COL25A1: variants seen among roughly 807,000 people sequenced by gnomAD.
COL25A1 encodes collagen alpha-1(XXV) chain.
COL25A1 carries 103 observed loss-of-function variants against 128.4 expected under a neutral mutation model. The observed-to-expected ratio is 0.80, with a 90% CI of 0.68 to 0.94. COL25A1 has a LOEUF of 0.94. Ranked by LOEUF, COL25A1 falls within the 40% of genes least tolerant of loss-of-function variation. COL25A1 has a pLI of 0.00. For synonymous variants in COL25A1, 279 were observed against 277.2 expected, an observed-to-expected ratio of 1.01 and a Z score of -0.06; for missense variants, 745 against 840.0, an observed-to-expected ratio of 0.89 and a Z score of 1.40.
intron 3 of COL25A1, among the ~76,000 whole-genome samples, chr4:109,254,481 A>ATATG (rs1780925935): frequency 1.0e-5 from 1 of 96,156 alleles, no homozygotes; most frequent in Non-Finnish European, 1.8e-5. Flanking sequence ...ATATATATAT[A>ATATG]TATATATATA....
intron 3 of COL25A1, among the ~76,000 whole-genome samples, chr4:109,161,203 A>C (rs1772547571): frequency 1.3e-5 from 2 of 152,096 alleles, no homozygotes; most frequent in Non-Finnish European, 2.9e-5. Context: ...CACCCGGGAG[A>C]TATTTGACAA....
intron 6 of COL25A1, among the ~76,000 whole-genome samples, chr4:108,992,768 C>A (rs563284425): frequency 6.6e-6 from 1 of 152,122 alleles, no homozygotes; most frequent in East Asian, 1.9e-4. Flanking sequence ...TCAGAGATGT[C>A]ATTTAAATGG....
intron 35 of COL25A1, chr4:108,819,704 A>G (rs1337004780): frequency 2.1e-6 from 1 of 479,486 alleles, no homozygotes; most frequent in Non-Finnish European, 3.4e-6. Context: ...GTCCATGTTA[A>G]ATGAGCCCAA....
At chr4:108,882,687 G>C (rs979400587) in intron 19 of COL25A1, among the ~76,000 whole-genome samples, 6 of 152,134 alleles carry the variant, frequency 3.9e-5, no homozygotes, top group African/African-American at 1.4e-4. Flanking sequence ...TGATAAGGAA[G>C]TGACTTCAAC....
At chr4:108,962,222 C>G (rs901518091) in intron 8 of COL25A1, among the ~76,000 whole-genome samples, 1 of 147,594 alleles carries the variant, frequency 6.8e-6, no homozygotes, top group African/African-American at 2.5e-5. Flanking sequence ...GAGTCTCGCT[C>G]TGTCACCCAG....
Position 108,846,140 on chromosome 4 carries a change from G to A in COL25A1, c.1514C>T (p.Pro505Leu), listed in dbSNP as rs199951835. The A allele has an allele frequency of 1.4e-5, 23 of 1,592,660 alleles. No homozygotes were observed. Among genetic ancestry groups the A allele is most frequent in the Non-Finnish European group, 1.6e-5 (18 of 1,160,832 alleles). The change falls in exon 28 of 38, where the codon CCG (proline) becomes CTG (leucine). Residue 505 changes from proline (P) to leucine (L), a missense_variant and splice_region_variant. By Grantham distance (98) the Pro-to-Leu change is moderately conservative (BLOSUM62 -3). Around this residue, in one of 3 missense-constraint regions of COL25A1, gnomAD observed 387 missense variants for 441.9 expected, o/e 0.88. Transcript: ENST00000399132. ...EKGGIGLPGL[P>L]GANGMKGEKG... is the part of the protein sequence containing the mutation. ...AACAAACAGAAAGTATAAACATACC[G>A]GTAATCCAGGAAGTCCAATTCCTCC...
intron 35 of COL25A1, chr4:108,819,877 T>TGCCTTTCTTTCCCTTTTC: frequency 8.1e-7 from 1 of 1,231,404 alleles, no homozygotes; most frequent in African/African-American, 1.6e-5. Flanking sequence ...GGCCCCTTTT[T>TGCCTTTCTTTCCCTTTTC]GCCTTTCTTT....
chr4:108,957,301 G>A (rs1750184670), intron 8 of COL25A1, among the ~76,000 whole-genome samples: 1 of 152,018 alleles, frequency 6.6e-6, no homozygotes, highest in Non-Finnish European at 1.5e-5. Flanking sequence ...GGACGTGAGA[G>A]GTATTTTAAA....
At chr4:108,893,354 T>A (rs998627729) in intron 16 of COL25A1, among the ~76,000 whole-genome samples, 2 of 152,178 alleles carry the variant, frequency 1.3e-5, no homozygotes, top group African/African-American at 4.8e-5. Flanking sequence ...GGAAAATAGA[T>A]AAGAAATCAA....
At chr4:108,815,527 G>T (rs184809270) in intron 37 of COL25A1, among the ~76,000 whole-genome samples, 1 of 152,070 alleles carries the variant, frequency 6.6e-6, no homozygotes, top group Admixed American at 6.6e-5. Context: ...TGTGTGTTGG[G>T]TGGGTGTGGT....
chr4:109,190,486 A>G (rs902506750), intron 3 of COL25A1, among the ~76,000 whole-genome samples: 1 of 152,208 alleles, frequency 6.6e-6, no homozygotes, highest in African/African-American at 2.4e-5. Context: ...CTCCTATGCA[A>G]TCCCATTGTG....
At chr4:109,201,343 A>T (rs572063017) in intron 3 of COL25A1, among the ~76,000 whole-genome samples, 5 of 152,326 alleles carry the variant, frequency 3.3e-5, no homozygotes, top group Admixed American at 3.3e-4. Context: ...GACATTTAAA[A>T]ATCAATTAAT....
intron 8 of COL25A1, among the ~76,000 whole-genome samples, chr4:108,948,745 T>C (rs1230798938): frequency 6.6e-6 from 1 of 152,190 alleles, no homozygotes; most frequent in Admixed American, 6.6e-5. Flanking sequence ...ATAAGTTATT[T>C]GGAAGAGAAA....
At chr4:109,268,387 A>T (rs931437188) in intron 3 of COL25A1, among the ~76,000 whole-genome samples, 1 of 152,142 alleles carries the variant, frequency 6.6e-6, no homozygotes, top group Non-Finnish European at 1.5e-5. Context: ...ACCACTGCCC[A>T]AGTTTATAAA....
At chr4:109,135,774 T>C (rs2126076188) in intron 3 of COL25A1, among the ~76,000 whole-genome samples, 1 of 152,204 alleles carries the variant, frequency 6.6e-6, no homozygotes, top group East Asian at 1.9e-4. Context: ...AAACAGAAAT[T>C]TGGGTTTTTT....
chr4:108,844,035 A>G (rs1405859947), intron 30 of COL25A1, among the ~76,000 whole-genome samples: 1 of 152,124 alleles, frequency 6.6e-6, no homozygotes, highest in Non-Finnish European at 1.5e-5. Flanking sequence ...AGTAGCTGGG[A>G]CTACAGGCAT....
chr4:108,920,216 CTCTGGCCG>C (rs1252803859), intron 12 of COL25A1, among the ~76,000 whole-genome samples: 1 of 152,164 alleles, frequency 6.6e-6, no homozygotes, highest in Non-Finnish European at 1.5e-5. Context: ...GGGCTCAGTT[CTCTGGCCG>C]TTTGGCAATC....
At chr4:109,135,024 C>CAAA (rs574984369) in intron 3 of COL25A1, among the ~76,000 whole-genome samples, 6 of 100,698 alleles carry the variant, frequency 6.0e-5, no homozygotes, top group East Asian at 2.8e-4. Flanking sequence ...ACTTTTCTGT[C>CAAA]AAAAAAAAAA....
chr4:109,251,500 C>T (rs1262587967), intron 3 of COL25A1, among the ~76,000 whole-genome samples: 4 of 152,200 alleles, frequency 2.6e-5, no homozygotes, highest in Non-Finnish European at 4.4e-5. Context: ...TCCTTACCTT[C>T]GTGGTAGAAT....
Sources: gnomAD v4.1 joint callset for allele counts (sites outside exome capture counted in the v4.1 genomes callset) on GRCh38, gnomAD v4.1.1 for gene constraint, gnomAD v4.1.1 regional missense constraint, MANE v1.5 for transcripts, NCBI Gene and HGNC (gene_info 2026-07-23, HGNC 2026-07-21) for gene names.